The following NRXN1 variants were observed in gnomAD, a reference collection of about 807,000 sequenced individuals.
NRXN1 encodes neurexin 1.
NRXN1 carries 39 observed loss-of-function variants against 150.9 expected under a neutral mutation model. The observed-to-expected ratio is 0.26, with a 90% CI of 0.20 to 0.34. The LOEUF (loss-of-function observed/expected upper bound fraction) is 0.34, where lower values mean the gene tolerates loss of function less well. Ranked by LOEUF, NRXN1 falls within the 10% of genes least tolerant of loss-of-function variation. The pLI, the probability that NRXN1 is intolerant of heterozygous loss-of-function variation, is 1.00. For synonymous variants in NRXN1, 924 were observed against 757.0 expected (o/e 1.22, Z -3.62); for missense variants, 1,815 against 1,949.9 (o/e 0.93, Z 1.30).
intron 15 of NRXN1, among the ~76,000 whole-genome samples, chr2:50,484,533 G>A (rs538485784): frequency 6.6e-6 from 1 of 152,260 alleles, no homozygotes; most frequent in South Asian, 2.1e-4. Flanking sequence ...CCTGCAAGTA[G>A]CCAGTTTGCA....
chr2:50,477,351 T>C (rs188868961), intron 15 of NRXN1, among the ~76,000 whole-genome samples: 6 of 152,052 alleles, frequency 3.9e-5, no homozygotes, highest in African/African-American at 1.4e-4. Flanking sequence ...GGAGGAGAAA[T>C]AAAATTGCAT....
At chr2:50,231,182 A>G (rs539411861) in intron 18 of NRXN1, among the ~76,000 whole-genome samples, 31 of 152,246 alleles carry the variant, frequency 2.0e-4, no homozygotes, top group African/African-American at 7.5e-4. Context: ...AAATCAGTGC[A>G]TCTGTTGATT....
chr2:50,217,685 A>T (rs1056287482), intron 18 of NRXN1, among the ~76,000 whole-genome samples: 16 of 152,054 alleles, frequency 1.1e-4, no homozygotes, highest in African/African-American at 3.9e-4. Flanking sequence ...CTGTCAACAG[A>T]ACGCCTGGTT....
At chr2:50,662,611 T>G (rs1346949983) in intron 5 of NRXN1, among the ~76,000 whole-genome samples, 1 of 151,998 alleles carries the variant, frequency 6.6e-6, no homozygotes. Context: ...TTTTTGCGAT[T>G]TTTTTTGTTG....
intron 22 of NRXN1, among the ~76,000 whole-genome samples, chr2:49,938,637 C>A (rs1292431215): frequency 6.6e-6 from 1 of 152,186 alleles, no homozygotes; most frequent in East Asian, 1.9e-4. Context: ...TATCCATCCC[C>A]TAACCACTCA....
intron 8 of NRXN1, among the ~76,000 whole-genome samples, chr2:50,562,542 A>C (rs1669257222): frequency 6.6e-6 from 1 of 152,124 alleles, no homozygotes; most frequent in African/African-American, 2.4e-5. Context: ...TTCATGTAAA[A>C]TATTTATTAC....
rs1222841480 is a variant in NRXN1 at position 50,623,536 on chromosome 2, G to T, written c.912C>A (p.Ser304Arg). ...TAAATGACAGAGTTATTTCATCACTGCTGCTTTGAATGGGGTTTTGAGACA... is the reference window on the plus strand; with the variant it reads ...TAAATGACAGAGTTATTTCATCACTTCTGCTTTGAATGGGGTTTTGAGACA... ...YDLSQNPIQS[S>R]SDEITLSFKT... Residue 304 changes from serine (S) to arginine (R), a missense_variant, in exon 6 of 23, where the codon AGC becomes AGA. Around this residue, in one of 6 missense-constraint regions of NRXN1, gnomAD observed 554 missense variants for 478.8 expected, o/e 1.16. Coordinates refer to ENST00000401669, the MANE Select transcript of NRXN1 (RefSeq NM_001330078.2). 1 of 1,613,080 alleles carries T rather than the reference G, an allele frequency of 6.2e-7. No homozygotes were observed. The highest frequency in any genetic ancestry group is 1.7e-5 in the Admixed American group (1 of 59,920).
chr2:50,971,359 C>A (rs895716793), intron 2 of NRXN1, among the ~76,000 whole-genome samples: 1 of 151,914 alleles, frequency 6.6e-6, no homozygotes, highest in Non-Finnish European at 1.5e-5. Context: ...CCACAGTGGG[C>A]GGATCACAAG....
intron 17 of NRXN1, among the ~76,000 whole-genome samples, chr2:50,412,932 C>G (rs2083292312): frequency 6.6e-6 from 1 of 152,054 alleles, no homozygotes; most frequent in African/African-American, 2.4e-5. Context: ...GAAAATCAAA[C>G]CAAAATGGAT....
intron 5 of NRXN1, among the ~76,000 whole-genome samples, chr2:50,815,974 T>A (rs1457771357): frequency 6.6e-6 from 1 of 152,200 alleles, no homozygotes; most frequent in Non-Finnish European, 1.5e-5. Context: ...TGTGTCTGTG[T>A]GTTCTCCTTC....
chr2:50,162,059 A>G (rs991102765), intron 18 of NRXN1, among the ~76,000 whole-genome samples: 2 of 152,178 alleles, frequency 1.3e-5, no homozygotes, highest in Admixed American at 6.6e-5. Flanking sequence ...AATTACCAGT[A>G]ATTAGCCTGT....
At position 50,612,856 on chromosome 2, in the gene NRXN1, T is replaced by C. The variant is rs145918560; in HGVS notation, c.1320+7166A>G. On this transcript the variant is annotated intron_variant, in intron 8 of 22. Transcript: ENST00000401669. ...GATTATTATTAACCTGCGTGCGTTA[T>C]TGTGAAGACTTTTAAAAGGAAAGGA... Among the ~76,000 whole-genome samples, 710 of 152,244 alleles carry C rather than the reference T, an allele frequency of 4.7e-3. 9 individuals are homozygous for C. The highest frequency in any genetic ancestry group is 0.015 in the African/African-American group (612 of 41,548).
intron 17 of NRXN1, among the ~76,000 whole-genome samples, chr2:50,255,442 G>A (rs192430365): frequency 3.9e-5 from 6 of 152,286 alleles, no homozygotes; most frequent in Admixed American, 2.6e-4. Context: ...CATGGGGCAG[G>A]TAAGTGTCAA....
chr2:50,947,726 A>T (rs1318676123), intron 2 of NRXN1, among the ~76,000 whole-genome samples: 1 of 152,034 alleles, frequency 6.6e-6, no homozygotes, highest in East Asian at 1.9e-4. Context: ...ATGCTTAGGC[A>T]AAGGTACGTA....
intron 21 of NRXN1, chr2:49,973,758 A>T: frequency 1.8e-6 from 1 of 551,606 alleles, no homozygotes; most frequent in Non-Finnish European, 3.2e-6. Context: ...TTAAAATTTA[A>T]AACAACCTTT....
intron 18 of NRXN1, among the ~76,000 whole-genome samples, chr2:50,123,398 A>T (rs950513061): frequency 1.3e-4 from 20 of 152,192 alleles, no homozygotes; most frequent in African/African-American, 4.8e-4. Flanking sequence ...GGTGAAAGCA[A>T]ACATGGTATT....
chr2:50,053,502 C>T lies in NRXN1; in HGVS notation c.3897G>A (p.Gly1299=). 6.2e-7 allele frequency: 1 copy of T among 1,614,074 alleles called. No individual in the cohort carries two copies. The highest frequency in any genetic ancestry group is 1.1e-5 in the South Asian group (1 of 91,078). The change falls in exon 21 of 23, where the codon GGG becomes GGA. Residue 1299 remains glycine (G), a synonymous_variant. Transcript: ENST00000401669. ...QGQPFQGQLS[G]LYYNGLKVLN... is the part of the protein sequence containing the mutation. Reference sequence around the variant, plus strand: ...GAACTTTCAAGCCATTGTAGTACAGCCCAGAGAGCTGGCCCTGGAAGGGCT... The same window carrying T: ...GAACTTTCAAGCCATTGTAGTACAGTCCAGAGAGCTGGCCCTGGAAGGGCT...
At chr2:50,643,770 G>C (rs1684401983) in intron 5 of NRXN1, among the ~76,000 whole-genome samples, 1 of 151,786 alleles carries the variant, frequency 6.6e-6, no homozygotes, top group African/African-American at 2.4e-5. Context: ...TTCTGTGCCA[G>C]AACTAGACTG....
intron 18 of NRXN1, among the ~76,000 whole-genome samples, chr2:50,168,760 C>G (rs556271822): frequency 1.3e-5 from 2 of 152,228 alleles, no homozygotes; most frequent in African/African-American, 4.8e-5. Context: ...TGAATGCAAC[C>G]CCAGAAGAAA....
Sources: allele counts gnomAD v4.1 joint callset (sites outside exome capture counted in the v4.1 genomes callset), GRCh38; gene constraint gnomAD v4.1.1; regional missense constraint gnomAD v4.1.1; transcripts MANE v1.5; gene names NCBI Gene and HGNC (gene_info 2026-07-23, HGNC 2026-07-21).